The following INVS variants were observed in gnomAD, a reference collection of about 807,000 sequenced individuals.
INVS encodes inversion of embryo turning homolog.
INVS carries 86 observed loss-of-function variants against 108.8 expected under a neutral mutation model. The ratio of observed to expected loss-of-function variants is 0.79; its 90% CI spans 0.66 to 0.95. INVS has a LOEUF of 0.95. Among genes scored for constraint, INVS ranks in the 40% least tolerant of loss-of-function variants. The probability of loss-of-function intolerance (pLI) is 0.00; values close to 1 mark genes in which losing one functional copy is unlikely to be tolerated. For synonymous variants in INVS, 455 were observed against 473.5 expected (o/e 0.96, Z 0.51); for missense variants, 1,169 against 1,297.4 (o/e 0.90, Z 1.52).
At chr9:100,152,837 TG>T (rs1564134745) in intron 3 of INVS, among the ~76,000 whole-genome samples, 1 of 152,212 alleles carries the variant, frequency 6.6e-6, no homozygotes, top group Non-Finnish European at 1.5e-5. Context: ...AGATATGGTT[TG>T]GGTCCTTTTA....
At chr9:100,299,357 C>T (rs1340576558) in intron 16 of INVS, among the ~76,000 whole-genome samples, 2 of 152,002 alleles carry the variant, frequency 1.3e-5, no homozygotes, top group Non-Finnish European at 2.9e-5. Context: ...ACCCCCCACC[C>T]CCGAGGTTTT....
At position 100,248,390 on chromosome 9, in the gene INVS, A is replaced by G. The variant is rs2787392; in HGVS notation, c.1078+1603A>G. On this transcript the variant is annotated intron_variant, in intron 8 of 16. Transcript: ENST00000262457. ...ATTAATTTGCTGGTTTCTTTCTTCA[A>G]TGGGGATTTTATTATGTCAGAGATG... Among the ~76,000 whole-genome samples, 165 of 152,008 alleles carry G rather than the reference A, an allele frequency of 1.1e-3. 1 individual carries two copies. Among genetic ancestry groups the G allele is most frequent in the Admixed American group, 1.8e-3 (27 of 15,270 alleles).
chr9:100,145,679 C>A (rs1459687192), intron 3 of INVS, among the ~76,000 whole-genome samples: 1 of 152,022 alleles, frequency 6.6e-6, no homozygotes, highest in African/African-American at 2.4e-5. Flanking sequence ...GGGTGAAGGA[C>A]CAAGGCAGGC....
At chr9:100,164,953 T>C (rs888788607) in intron 3 of INVS, among the ~76,000 whole-genome samples, 1 of 151,162 alleles carries the variant, frequency 6.6e-6, no homozygotes, top group African/African-American at 2.4e-5. Flanking sequence ...CTGCCCTAAC[T>C]TGATGTCTTA....
intron 3 of INVS, among the ~76,000 whole-genome samples, chr9:100,157,182 A>C (rs980875569): frequency 6.6e-6 from 1 of 151,754 alleles, no homozygotes; most frequent in African/African-American, 2.4e-5. Flanking sequence ...TTTATAAATA[A>C]ATAATTTTTA....
chr9:100,154,425 C>T (rs924614546), intron 3 of INVS, among the ~76,000 whole-genome samples: 1 of 144,402 alleles, frequency 6.9e-6, no homozygotes, highest in African/African-American at 2.6e-5. Context: ...CATCTGCCCT[C>T]TTCAGCCTCC....
chr9:100,185,073 G>A (rs1342323989), intron 3 of INVS, among the ~76,000 whole-genome samples: 4 of 152,098 alleles, frequency 2.6e-5, no homozygotes. Context: ...CTTTCAGGAA[G>A]GACAGTCCTT....
chr9:100,300,339 C>T (rs763767099), intron 16 of INVS, among the ~76,000 whole-genome samples: 20 of 152,276 alleles, frequency 1.3e-4, no homozygotes, highest in Middle Eastern at 3.4e-3. Flanking sequence ...ACCAGCTCCC[C>T]AAGTGCCTGC....
intron 5 of INVS, among the ~76,000 whole-genome samples, chr9:100,233,534 G>C (rs1219859394): frequency 6.6e-6 from 1 of 152,130 alleles, no homozygotes; most frequent in East Asian, 1.9e-4. Context: ...ATTATTTTTA[G>C]ATATGTTCCA....
chr9:100,255,324 T>G (rs868369828), intron 10 of INVS, among the ~76,000 whole-genome samples: 1 of 152,206 alleles, frequency 6.6e-6, no homozygotes, highest in African/African-American at 2.4e-5. Flanking sequence ...GCTGAGACAA[T>G]GGGGTTTTCT....
intron 10 of INVS, among the ~76,000 whole-genome samples, chr9:100,255,563 C>T (rs1832391362): frequency 6.6e-6 from 1 of 152,070 alleles, no homozygotes; most frequent in Non-Finnish European, 1.5e-5. Flanking sequence ...TCATAAATAG[C>T]TCTTATTATT....
At chr9:100,267,052 A>AAGAATCCTTAG (rs1336795414) in intron 11 of INVS, among the ~76,000 whole-genome samples, 2 of 141,414 alleles carry the variant, frequency 1.4e-5, no homozygotes, top group African/African-American at 2.5e-5. Flanking sequence ...AAGAAAGTTT[A>AAGAATCCTTAG]AGAATCCTTA....
At chr9:100,281,459 A>G (rs1833273180) in intron 12 of INVS, among the ~76,000 whole-genome samples, 1 of 152,224 alleles carries the variant, frequency 6.6e-6, no homozygotes, top group African/African-American at 2.4e-5. Flanking sequence ...TAAGGCAGCA[A>G]TATAGATAAA....
At chr9:100,173,652 C>A (rs1319495439) in intron 3 of INVS, among the ~76,000 whole-genome samples, 1 of 152,110 alleles carries the variant, frequency 6.6e-6, no homozygotes, top group Non-Finnish European at 1.5e-5. Flanking sequence ...TCGCTTGAAC[C>A]CGGGAGGCAG....
chr9:100,257,548 G>T (rs891130298), intron 10 of INVS, among the ~76,000 whole-genome samples: 1 of 152,194 alleles, frequency 6.6e-6, no homozygotes, highest in Non-Finnish European at 1.5e-5. Flanking sequence ...GCTAGTACCA[G>T]TTGTTCCTTT....
chr9:100,223,490 C>CACCT (rs201722726), intron 3 of INVS, among the ~76,000 whole-genome samples: 4,497 of 152,236 alleles, frequency 0.03, 93 homozygotes, highest in Non-Finnish European at 0.045. Context: ...ATTTATTAGG[C>CACCT]ACCTATTCTG....
At chr9:100,105,980 T>C (rs1827166907) in intron 2 of INVS, among the ~76,000 whole-genome samples, 1 of 148,886 alleles carries the variant, frequency 6.7e-6, no homozygotes, top group Admixed American at 6.8e-5. Flanking sequence ...CCCAAATTCA[T>C]GATTACCCAC....
At chr9:100,264,618 CAAA>C (rs36049678) in intron 10 of INVS, among the ~76,000 whole-genome samples, 4 of 127,292 alleles carry the variant, frequency 3.1e-5, no homozygotes, top group Non-Finnish European at 3.3e-5. Flanking sequence ...AACTCCGTCT[CAAA>C]AAAAAAAAAA....
chr9:100,229,159 C>T (rs1831431060), intron 4 of INVS, among the ~76,000 whole-genome samples: 1 of 152,172 alleles, frequency 6.6e-6, no homozygotes. Flanking sequence ...AGAGCTTTCA[C>T]CTTTTCACTT....
Sources: gnomAD v4.1 joint callset for allele counts (sites outside exome capture counted in the v4.1 genomes callset) on GRCh38, gnomAD v4.1.1 for gene constraint, MANE v1.5 for transcripts, NCBI Gene and HGNC (gene_info 2026-07-23, HGNC 2026-07-21) for gene names.